ACAD10: variants seen among roughly 807,000 people sequenced by gnomAD.
The protein encoded by ACAD10 is acyl-CoA dehydrogenase family member 10.
In ACAD10, 112 loss-of-function variants were observed where a neutral mutation model predicts 116.8. The observed-to-expected ratio is 0.96, with a 90% confidence interval of 0.82 to 1.12. The LOEUF is 1.12. Among genes scored for constraint, ACAD10 ranks in the 50% most tolerant of loss-of-function variants. ACAD10 has a pLI of 0.00. For missense variants in ACAD10, 1,259 were observed against 1,350.2 expected (o/e 0.93, Z 1.06); for synonymous variants, 486 against 510.6 (o/e 0.95, Z 0.65).
intron 1 of ACAD10, chr12:111,688,330 A>C (rs534448701): frequency 6.6e-6 from 1 of 152,336 alleles, no homozygotes; most frequent in African/African-American, 2.4e-5. Flanking sequence ...TTGCCCCCAA[A>C]TTCAGCAAAT....
At chr12:111,690,392 A>T (rs573263626) in intron 1 of ACAD10, 1 of 152,110 alleles carries the variant, frequency 6.6e-6, no homozygotes, top group East Asian at 1.9e-4. Context: ...TTACGTGTGG[A>T]ATTTTTCATT....
At chr12:111,710,841 T>A (rs1888657972) in intron 5 of ACAD10, among the ~76,000 whole-genome samples, 1 of 152,124 alleles carries the variant, frequency 6.6e-6, no homozygotes, top group African/African-American at 2.4e-5. Context: ...ACTCCTGGAC[T>A]CCAGCAGTCC....
intron 10 of ACAD10, among the ~76,000 whole-genome samples, chr12:111,731,650 G>C (rs1354156012): frequency 6.6e-6 from 1 of 152,236 alleles, no homozygotes; most frequent in Admixed American, 6.5e-5. Flanking sequence ...GGCATCCTCT[G>C]ATTTTAGAGA....
At chr12:111,746,327 A>T (rs1286378880) in intron 14 of ACAD10, 43 bp downstream of exon 14, 1 of 1,584,702 alleles carries the variant, frequency 6.3e-7, no homozygotes, top group East Asian at 2.3e-5. Context: ...GAACATCCTG[A>T]TCTTCATAAG....
intron 12 of ACAD10, among the ~76,000 whole-genome samples, chr12:111,739,951 T>A (rs1043094648): frequency 3.3e-5 from 5 of 152,260 alleles, no homozygotes; most frequent in Non-Finnish European, 7.4e-5. Context: ...TTAAGGGTAA[T>A]AATAGTATTG....
At chr12:111,748,735 C>T (rs1889987021) in intron 17 of ACAD10, 1 of 569,500 alleles carries the variant, frequency 1.8e-6, no homozygotes, top group Admixed American at 3.1e-5. Flanking sequence ...GGAAGCCATA[C>T]AGGGCAGACG....
chr12:111,723,757 G>A (rs1212415096), intron 8 of ACAD10, among the ~76,000 whole-genome samples: 1 of 151,308 alleles, frequency 6.6e-6, no homozygotes, highest in Non-Finnish European at 1.5e-5. Context: ...AGATGGGGTG[G>A]CTGCCGGGCA....
At chr12:111,701,468 C>G (rs1730173501) in intron 2 of ACAD10, among the ~76,000 whole-genome samples, 1 of 152,134 alleles carries the variant, frequency 6.6e-6, no homozygotes, top group African/African-American at 2.4e-5. Context: ...AGTTTGAGAT[C>G]AGCGTGGCCA....
chr12:111,713,675 GC>G (rs1342857443), intron 6 of ACAD10, among the ~76,000 whole-genome samples: 1 of 151,714 alleles, frequency 6.6e-6, no homozygotes, highest in African/African-American at 2.4e-5. Flanking sequence ...AGTGGCTCAT[GC>G]CTGTAATCCC....
At chr12:111,696,359 C>G (rs1286081435) in intron 2 of ACAD10, among the ~76,000 whole-genome samples, 2 of 152,144 alleles carry the variant, frequency 1.3e-5, no homozygotes, top group African/African-American at 4.8e-5. Flanking sequence ...CACCTGCTGT[C>G]TGTTTTTGTA....
rs776745377 is a variant in ACAD10, at chr12:111,756,468, A to C, written c.3175A>C (p.Ile1059Leu). 1 of 1,612,310 alleles carries C rather than the reference A, an allele frequency of 6.2e-7. No individual in the cohort carries two copies. The highest frequency in any genetic ancestry group is 1.7e-5 in the Admixed American group (1 of 59,654). ...GGCCAAGCTAGAGCTGAAGCACCGCATTTAGAGCCTTGGGGCTGCAGTGGC... is the reference window on the plus strand; with the variant it reads ...GGCCAAGCTAGAGCTGAAGCACCGCCTTTAGAGCCTTGGGGCTGCAGTGGC... ...TVAKLELKHR[I>L] Residue 1059 changes from isoleucine (I) to leucine (L), a missense_variant, in exon 21 of 21, where the codon ATT (isoleucine) becomes CTT (leucine). Ile to Leu is a conservative substitution (Grantham distance 5). Transcript: ENST00000313698.
chr12:111,723,567 C>T (rs1454881406), intron 8 of ACAD10, among the ~76,000 whole-genome samples: 14 of 142,352 alleles, frequency 9.8e-5, no homozygotes, highest in Non-Finnish European at 7.8e-5. Context: ...CCTCACCTCC[C>T]GGACGGGGTG....
chr12:111,753,575 T>G (rs1054448598), intron 18 of ACAD10, 197 bp from the exon 19 acceptor site: 8 of 750,428 alleles, frequency 1.1e-5, no homozygotes, highest in Non-Finnish European at 1.9e-5. Context: ...GAAGGTTGTG[T>G]GTCAGACCTA....
At chr12:111,706,882 T>C (rs1044924001) in intron 4 of ACAD10, among the ~76,000 whole-genome samples, 10 of 151,310 alleles carry the variant, frequency 6.6e-5, no homozygotes, top group Non-Finnish European at 1.5e-4. Flanking sequence ...CAAGCAGTTC[T>C]CCTGCCTCAG....
chr12:111,725,957 A>C (rs1037632471), intron 8 of ACAD10, among the ~76,000 whole-genome samples: 4 of 152,268 alleles, frequency 2.6e-5, no homozygotes, highest in African/African-American at 9.6e-5. Context: ...TAATTTTTCA[A>C]CTTGAAACAT....
At chr12:111,716,016 G>A in intron 7 of ACAD10, 54 bp downstream of exon 7, 1 of 1,606,550 alleles carries the variant, frequency 6.2e-7, no homozygotes, top group Non-Finnish European at 8.5e-7. Context: ...CTGTGCACAA[G>A]CTCAGCCCTA....
Position 111,725,723 on chromosome 12 carries a change from C to T in ACAD10, c.1062-2239C>T, listed in dbSNP as rs1454842384. ...CTAATTTTTGTATTTTTAATGGAGA[C>T]GGGGTTTCGCCTTGTTGGCCAGGCT... On this transcript the variant is annotated intron_variant, in intron 8 of 20. Transcript: ENST00000313698. Among the ~76,000 whole-genome samples the T allele has an allele frequency of 2.6e-5, 4 of 151,630 alleles. No homozygotes were observed. In the South Asian group the frequency reaches 6.3e-4, roughly 24 times the overall value.
intron 2 of ACAD10, among the ~76,000 whole-genome samples, chr12:111,694,532 A>T (rs949697156): frequency 6.6e-6 from 1 of 152,100 alleles, no homozygotes; most frequent in African/African-American, 2.4e-5. Flanking sequence ...AGCAGGGAAG[A>T]ACATAAAGAT....
At chr12:111,731,761 G>A (rs984784356) in intron 10 of ACAD10, among the ~76,000 whole-genome samples, 1 of 152,168 alleles carries the variant, frequency 6.6e-6, no homozygotes, top group Non-Finnish European at 1.5e-5. Flanking sequence ...GGTGGTGGGA[G>A]CATAAACTGC....
Sources: allele counts gnomAD v4.1 joint callset (sites outside exome capture counted in the v4.1 genomes callset), GRCh38; gene constraint gnomAD v4.1.1; transcripts MANE v1.5; gene names NCBI Gene and HGNC (gene_info 2026-07-23, HGNC 2026-07-21).